Variants in SHANK2 observed in about 807,000 individuals in gnomAD.
SHANK2 encodes the protein SH3 and multiple ankyrin repeat domains protein 2.
A neutral mutation model predicts 133.7 loss-of-function variants in SHANK2; 43 were observed. That is an observed-to-expected ratio of 0.32 (90% CI 0.25 to 0.41). SHANK2 has a LOEUF of 0.41. Ranked by LOEUF, SHANK2 falls within the 10% of genes least tolerant of loss-of-function variation. SHANK2 has a pLI of 1.00. For missense variants in SHANK2, 1,994 were observed against 2,235.8 expected, an observed-to-expected ratio of 0.89 and a Z score of 2.18; for synonymous variants, 1,017 against 952.8, an observed-to-expected ratio of 1.07 and a Z score of -1.24.
chr11:70,501,781 C>T (rs1403944773), intron 20 of SHANK2, 142 bp downstream of exon 20: 1 of 817,130 alleles, frequency 1.2e-6, no homozygotes, highest in Non-Finnish European at 2.0e-6. Context: ...ACACACAGAT[C>T]CCCGGAGGAT....
chr11:71,189,340 C>T (rs1200842037), intron 2 of SHANK2, among the ~76,000 whole-genome samples: 1 of 152,198 alleles, frequency 6.6e-6, no homozygotes, highest in Admixed American at 6.5e-5. Context: ...AATTGACAAA[C>T]TCTACCAAAC....
chr11:70,625,976 C>T (rs1353994613), intron 17 of SHANK2, among the ~76,000 whole-genome samples: 8 of 152,254 alleles, frequency 5.3e-5, no homozygotes, highest in East Asian at 3.9e-4. Flanking sequence ...GGGCCCCTCC[C>T]GCTCGGAGGG....
intron 17 of SHANK2, among the ~76,000 whole-genome samples, chr11:70,572,976 C>T (rs1386383245): frequency 1.3e-5 from 2 of 152,144 alleles, no homozygotes; most frequent in Non-Finnish European, 2.9e-5. Flanking sequence ...CGTGGTAGGT[C>T]GGAGTGGCTG....
chr11:71,216,949 C>A (rs565402894), intron 2 of SHANK2, among the ~76,000 whole-genome samples: 1 of 152,164 alleles, frequency 6.6e-6, no homozygotes, highest in South Asian at 2.1e-4. Flanking sequence ...GCAATCCCAG[C>A]ACTTTGGGAG....
In SHANK2 at chr11:70,901,271, A is replaced by G. The variant is rs188630239; in HGVS notation, c.1108-4704T>C. Among the ~76,000 whole-genome samples the G allele has an allele frequency of 6.0e-3, 910 of 152,262 alleles. 22 individuals are homozygous for G. The highest frequency in any genetic ancestry group is 0.043 in the East Asian group (224 of 5,176). On this transcript the variant is annotated intron_variant, in intron 10 of 25. Transcript: ENST00000601538. ...TTCATGGACTATGGCATTTTTTTAA[A>G]AAGTTATGATATAATCACAGGTCAA...
Position 70,643,038 on chromosome 11 carries a change from G to A in SHANK2, c.2061+16790C>T, listed in dbSNP as rs753992156. On this transcript the variant is annotated intron_variant, in intron 17 of 25. Coordinates refer to ENST00000601538, the MANE Select transcript of SHANK2 (RefSeq NM_012309.5). ...AGACATCGTGTGCATGTATCAAAAC[G>A]TCACATGGGCCCGTACATATGTACA... 1.1e-4 allele frequency among the ~76,000 whole-genome samples: 17 copies of A among 152,178 alleles called. No individual in the cohort carries two copies. In the South Asian group the frequency reaches 1.5e-3, roughly 13 times the overall value.
chr11:70,670,058 G>T (rs1944765806), intron 15 of SHANK2, among the ~76,000 whole-genome samples: 3 of 152,234 alleles, frequency 2.0e-5, no homozygotes, highest in African/African-American at 7.2e-5. Context: ...CCATAGAGGT[G>T]GGTGGTGGGA....
rs144858359 is a variant in SHANK2, at chr11:70,487,083, T to G, written c.3210A>C (p.Glu1070Asp). ...PEPPSQLRPDESLTVSSPFAA... is the reference protein window; with the variant it reads ...PEPPSQLRPDDSLTVSSPFAA... ...CAAAGGGGCTGCTGACGGTCAGGCTTTCGTCAGGCCGCAGCTGGCTCGGTG... is the reference window on the plus strand; with the variant it reads ...CAAAGGGGCTGCTGACGGTCAGGCTGTCGTCAGGCCGCAGCTGGCTCGGTG... The change falls in exon 25 of 26, where the codon GAA becomes GAC. Residue 1070 changes from glutamate to aspartate, a missense_variant. Glu to Asp is a conservative substitution (Grantham distance 45). This residue lies in a region of SHANK2 where 488 missense variants were observed against 642.6 expected (regional missense o/e 0.76). Coordinates refer to ENST00000601538, the MANE Select transcript of SHANK2 (RefSeq NM_012309.5). This position sits in a 1 kb window ranked among gnomAD's most constrained non-coding sequence, Gnocchi z 5.8. The G allele has an allele frequency of 6.2e-7, 1 of 1,610,028 alleles. No homozygotes were observed.
In SHANK2 at chr11:70,658,246, GACACACACACACAC is replaced by G. The variant is rs1315015158; in HGVS notation, c.2061+1568_2061+1581del. Among the ~76,000 whole-genome samples the G allele has an allele frequency of 7.4e-5, 9 of 121,876 alleles. 1 individual carries two copies. The highest frequency in any genetic ancestry group is 2.5e-4 in the Admixed American group (3 of 12,078). The allele number at this position is 121,876 out of a possible 152,430, so 80.0% of individuals were successfully genotyped here. A position where few individuals can be genotyped will look rare whatever the true frequency, so the allele number is the denominator to read the frequency against. On this transcript the variant is annotated intron_variant, in intron 17 of 25. Coordinates refer to ENST00000601538, the MANE Select transcript of SHANK2 (RefSeq NM_012309.5). ...ACACACACACACACACACACACACA[GACACACACACACAC>G]ACAGACACACACACACACACAGACA...
chr11:70,755,140 C>T (rs1412791353), intron 14 of SHANK2, among the ~76,000 whole-genome samples: 3 of 151,524 alleles, frequency 2.0e-5, no homozygotes, highest in Non-Finnish European at 2.9e-5. Flanking sequence ...GGCGTGACCT[C>T]GGCTCACTGC....
At chr11:70,558,754 C>T (rs541626661) in intron 17 of SHANK2, among the ~76,000 whole-genome samples, 15 of 152,242 alleles carry the variant, frequency 9.9e-5, no homozygotes, top group East Asian at 3.9e-4. Flanking sequence ...GAGCGGGAGG[C>T]GACCAGAAAG....
At chr11:70,796,698 T>C (rs997599787) in intron 14 of SHANK2, among the ~76,000 whole-genome samples, 1 of 152,220 alleles carries the variant, frequency 6.6e-6, no homozygotes, top group Non-Finnish European at 1.5e-5. Flanking sequence ...CTCAGTGTGA[T>C]TGCTGCCCAG....
intron 11 of SHANK2, among the ~76,000 whole-genome samples, chr11:70,892,192 G>A (rs1290215156): frequency 6.6e-6 from 1 of 152,202 alleles, no homozygotes; most frequent in African/African-American, 2.4e-5. Flanking sequence ...CAGCCGCCAG[G>A]CTCCACCCCA....
rs2135641978 is a variant in SHANK2 at position 70,469,446 on chromosome 11, A to G, written c.*3423T>C. 1 of 152,168 alleles carries G rather than the reference A, an allele frequency of 6.6e-6. No homozygotes were observed. The highest frequency in any genetic ancestry group is 1.5e-5 in the Non-Finnish European group (1 of 67,956). The allele number at this position is 152,168 out of a possible 1,614,324, so 9.4% of individuals were successfully genotyped here. On this transcript the variant is annotated 3_prime_UTR_variant, in exon 26 of 26. Transcript: ENST00000601538. ...AGAACCACAACCTTAGTGCAATAGT[A>G]TATTTATTTTTTTACAGTAATTTTG... is the stretch of plus-strand genomic sequence containing the variant.
intron 14 of SHANK2, among the ~76,000 whole-genome samples, chr11:70,710,516 C>A (rs1555025869): frequency 6.6e-6 from 1 of 152,216 alleles, no homozygotes; most frequent in Non-Finnish European, 1.5e-5. Flanking sequence ...CGCCCCCTGG[C>A]ATCACCCCCA....
chr11:71,146,974 G>A, intron 3 of SHANK2, 146 bp downstream of exon 3: 1 of 646,024 alleles, frequency 1.5e-6, no homozygotes, highest in Non-Finnish European at 2.5e-6. Flanking sequence ...GGGGGACGGG[G>A]GCAGAAGTAT....
rs781930056 is a variant in SHANK2 at position 70,718,112 on chromosome 11, C to G, written c.1778-19349G>C. On this transcript the variant is annotated intron_variant, in intron 14 of 25. Transcript: ENST00000601538. ...AGTCTAAATAAGTACGGGTGAAGGA[C>G]GCCTGAAAAACCAGTGCAATTACGC... Among the ~76,000 whole-genome samples, 4 of 152,106 alleles carry G rather than the reference C, an allele frequency of 2.6e-5. No individual in the cohort carries two copies. In the South Asian group the frequency reaches 8.3e-4, roughly 32 times the overall value.
Position 70,786,409 on chromosome 11 carries a change from G to A in SHANK2, c.1777+12034C>T, listed in dbSNP as rs61885463. The stretch of plus-strand genomic sequence containing the variant: ...TGCCCTGCATGGCCAGAGCCTTGGT[G>A]GTGCTGGTGTTCCCAGGTATTACTA... On this transcript the variant is annotated intron_variant, in intron 14 of 25. Transcript: ENST00000601538. 5.6e-3 allele frequency among the ~76,000 whole-genome samples: 851 copies of A among 152,270 alleles called. 5 individuals are homozygous for A. The highest frequency in any genetic ancestry group is 7.8e-3 in the Non-Finnish European group (528 of 68,020).
At chr11:70,936,784 G>T (rs1233059203) in intron 10 of SHANK2, among the ~76,000 whole-genome samples, 1 of 152,140 alleles carries the variant, frequency 6.6e-6, no homozygotes, top group Non-Finnish European at 1.5e-5. Context: ...CACCCTCAGG[G>T]TTCCCAACAG....
Sources: gnomAD v4.1 joint callset for allele counts (sites outside exome capture counted in the v4.1 genomes callset) on GRCh38, gnomAD v4.1.1 for gene constraint, gnomAD v4.1.1 regional missense constraint, Gnocchi (gnomAD v3.1) non-coding constraint, MANE v1.5 for transcripts, NCBI Gene and HGNC (gene_info 2026-07-23, HGNC 2026-07-21) for gene names.